WNT11: variants seen among roughly 807,000 people sequenced by gnomAD.
WNT11 encodes Wnt family member 11, also known as protein Wnt-11.
A neutral mutation model predicts 35.6 loss-of-function variants in WNT11; 20 were observed. The observed-to-expected ratio is 0.56, with a 90% CI of 0.40 to 0.82. WNT11 has a LOEUF of 0.82. Ranked by LOEUF, WNT11 falls within the 40% of genes least tolerant of loss-of-function variation. The pLI, the probability that WNT11 is intolerant of heterozygous loss-of-function variation, is 0.00. For missense variants in WNT11, 459 were observed against 504.4 expected (o/e 0.91, Z 0.86); for synonymous variants, 200 against 211.9 (o/e 0.94, Z 0.49).
At chr11:76,196,337 T>C (rs78696074) in intron 2 of WNT11, 146 bp downstream of exon 2, 33,821 of 915,546 alleles carry the variant, frequency 0.037, 822 homozygotes, top group Non-Finnish European at 0.045. Flanking sequence ...ACCCCATCCA[T>C]CCATGCCTGT....
intron 4 of WNT11, among the ~76,000 whole-genome samples, chr11:76,189,544 CAG>C (rs1448657131): frequency 1.3e-5 from 2 of 152,184 alleles, no homozygotes; most frequent in Non-Finnish European, 2.9e-5. Context: ...GCATCTTCCG[CAG>C]AGAGGGAGGC....
At chr11:76,199,474 T>G in intron 1 of WNT11, among the ~76,000 whole-genome samples, 1 of 143,428 alleles carries the variant, frequency 7.0e-6, no homozygotes, top group African/African-American at 2.6e-5. Context: ...CTTGTCTACT[T>G]AAAAAAAAAA....
At chr11:76,209,133 G>A (rs72639129), upstream of WNT11, among the ~76,000 whole-genome samples, 48,185 of 152,000 alleles carry the variant, frequency 0.32, 8,026 homozygotes, top group East Asian at 0.55. Context: ...GCCGTGGGCC[G>A]CCCTGACCTG....
intron 4 of WNT11, among the ~76,000 whole-genome samples, chr11:76,190,070 C>CGGGAG (rs1338411323): frequency 8.3e-4 from 125 of 151,244 alleles, no homozygotes; most frequent in Non-Finnish European, 6.1e-4. Flanking sequence ...GGAGACTGCC[C>CGGGAG]GGGAGGGGAG....
chr11:76,202,467 C>A (rs1185578325), intron 1 of WNT11, among the ~76,000 whole-genome samples: 2 of 152,158 alleles, frequency 1.3e-5, no homozygotes, highest in Non-Finnish European at 2.9e-5. Context: ...TTTCCTGGGC[C>A]CCACCTCATG....
chr11:76,195,295 T>A (rs1047351550), intron 2 of WNT11, among the ~76,000 whole-genome samples: 12 of 152,178 alleles, frequency 7.9e-5, no homozygotes, highest in Non-Finnish European at 4.4e-5. Flanking sequence ...TCTTTGCAGA[T>A]GTAATGGGGC....
chr11:76,191,930 C>T, intron 3 of WNT11, 74 bp from the exon 4 acceptor site: 4 of 1,493,992 alleles, frequency 2.7e-6, no homozygotes, highest in Non-Finnish European at 3.6e-6. Context: ...CCAGCCCCAC[C>T]CACCCATGGC....
intron 1 of WNT11, among the ~76,000 whole-genome samples, chr11:76,205,723 C>T (rs1455579280): frequency 6.6e-6 from 1 of 152,208 alleles, no homozygotes; most frequent in African/African-American, 2.4e-5. Context: ...CCTCCTACCC[C>T]TGCGTGAATA....
intron 4 of WNT11, among the ~76,000 whole-genome samples, chr11:76,189,315 G>A (rs1023880358): frequency 1.3e-5 from 2 of 152,122 alleles, no homozygotes; most frequent in East Asian, 1.9e-4. Flanking sequence ...GACAAGGCCC[G>A]GGTGCCTGGG....
chr11:76,196,758 A>G (rs1477194166), intron 1 of WNT11, 40 bp from the exon 2 acceptor site: 11 of 1,540,034 alleles, frequency 7.1e-6, no homozygotes, highest in Non-Finnish European at 7.9e-6. Flanking sequence ...GGAAGGAGAG[A>G]CAGGGTTGTC....
At chr11:76,209,970 G>A (rs1953537060), upstream of WNT11, among the ~76,000 whole-genome samples, 1 of 146,398 alleles carries the variant, frequency 6.8e-6, no homozygotes, top group African/African-American at 2.5e-5. Context: ...CCTGGGACCC[G>A]TTCTCAAAGC....
intron 4 of WNT11, among the ~76,000 whole-genome samples, chr11:76,190,071 G>T (rs982436445): frequency 2.0e-5 from 3 of 151,690 alleles, no homozygotes; most frequent in African/African-American, 7.3e-5. Context: ...GAGACTGCCC[G>T]GGAGGGGAGG....
chr11:76,193,401 T>C (rs1387513274), intron 3 of WNT11, among the ~76,000 whole-genome samples: 1 of 149,954 alleles, frequency 6.7e-6, no homozygotes, highest in African/African-American at 2.5e-5. Flanking sequence ...CTGGCCATGA[T>C]GGTGGGCGTG....
At chr11:76,204,051 G>A (rs1953429943) in intron 1 of WNT11, among the ~76,000 whole-genome samples, 1 of 152,222 alleles carries the variant, frequency 6.6e-6, no homozygotes, top group South Asian at 2.1e-4. Context: ...CAGGGTGGTT[G>A]GGATATTTAA....
rs1046121955 is a variant in WNT11 at position 76,196,546 on chromosome 11, C to T, written c.256G>A (p.Asp86Asn). The change falls in exon 2 of 5, where the codon GAC (aspartate) becomes AAC (asparagine). Residue 86 changes from aspartate (D) to asparagine (N), a missense_variant. By Grantham distance (23) the Asp-to-Asn change is conservative. Coordinates refer to ENST00000322563, the MANE Select transcript of WNT11 (RefSeq NM_004626.3). ...VMKACRRAFA[D>N]MRWNCSSIEL... is the part of the protein sequence containing the mutation. The stretch of plus-strand genomic sequence containing the variant: ...ATGGAGGAGCAGTTCCAGCGCATGT[C>T]GGCAAAGGCCCGGCGACAGGCCTTC... The T allele has an allele frequency of 1.3e-5, 21 of 1,613,500 alleles. No individual in the cohort carries two copies. The highest frequency in any genetic ancestry group is 1.6e-4 in the Middle Eastern group (1 of 6,082).
At chr11:76,196,327 A>T (rs749905667) in intron 2 of WNT11, among the ~76,000 whole-genome samples, 156 bp downstream of exon 2, 1 of 151,906 alleles carries the variant, frequency 6.6e-6, no homozygotes, top group Non-Finnish European at 1.5e-5. Flanking sequence ...ATCCACCCAT[A>T]CCCCATCCAT....
intron 1 of WNT11, among the ~76,000 whole-genome samples, 173 bp from the exon 2 acceptor site, chr11:76,196,891 T>TC (rs528725261): frequency 2.0e-4 from 31 of 152,288 alleles, no homozygotes; most frequent in African/African-American, 7.5e-4. Context: ...GAGCAGTGGA[T>TC]CCCCCTCACA....
intron 1 of WNT11, among the ~76,000 whole-genome samples, chr11:76,204,632 G>A (rs1953441844): frequency 1.3e-5 from 2 of 152,202 alleles, no homozygotes; most frequent in South Asian, 4.1e-4. Flanking sequence ...TCTCCCCCAA[G>A]AGCCTGGGGG....
At chr11:76,187,298 C>T (rs965387808) in intron 4 of WNT11, 59 bp from the exon 5 acceptor site, 3 of 1,518,530 alleles carry the variant, frequency 2.0e-6, no homozygotes, top group Non-Finnish European at 8.8e-7. Flanking sequence ...CACCAACACC[C>T]CATGACTCCC....
Sources: gnomAD v4.1 joint callset for allele counts (sites outside exome capture counted in the v4.1 genomes callset) on GRCh38, gnomAD v4.1.1 for gene constraint, MANE v1.5 for transcripts, NCBI Gene and HGNC (gene_info 2026-07-23, HGNC 2026-07-21) for gene names.